SHISA9: variants seen among roughly 807,000 people sequenced by gnomAD.
SHISA9 encodes the protein shisa family member 9, also known as protein shisa-9.
A neutral mutation model predicts 38.0 loss-of-function variants in SHISA9; 13 were observed. The ratio of observed to expected loss-of-function variants is 0.34; its 90% CI spans 0.22 to 0.54. SHISA9 has a LOEUF of 0.54. Among genes scored for constraint, SHISA9 ranks in the 20% least tolerant of loss-of-function variants. The probability of loss-of-function intolerance (pLI) is 0.91; values close to 1 mark genes in which losing one functional copy is unlikely to be tolerated. For missense variants in SHISA9, 538 were observed against 575.8 expected, an observed-to-expected ratio of 0.93 and a Z score of 0.67; for synonymous variants, 275 against 242.0, an observed-to-expected ratio of 1.14 and a Z score of -1.27.
the SHISA9 span, among the ~76,000 whole-genome samples, chr16:13,371,665 C>A: frequency 1.3e-5 from 2 of 152,204 alleles, no homozygotes; most frequent in African/African-American, 2.4e-5. Context: ...TGATGAAGAA[C>A]CTTCCCCTCA....
the SHISA9 span, among the ~76,000 whole-genome samples, chr16:13,521,988 C>T: frequency 6.6e-6 from 1 of 152,140 alleles, no homozygotes; most frequent in Admixed American, 6.5e-5. Context: ...CACATATACC[C>T]TGAAATATAC....
intron 2 of SHISA9, among the ~76,000 whole-genome samples, chr16:12,998,036 T>G (rs1567176672): frequency 6.6e-6 from 1 of 152,346 alleles, no homozygotes; most frequent in East Asian, 1.9e-4. Context: ...TGGGTCCGTA[T>G]TTTATTCACT....
chr16:13,285,572 G>A, the SHISA9 span, among the ~76,000 whole-genome samples: 1 of 143,180 alleles, frequency 7.0e-6, no homozygotes, highest in African/African-American at 2.6e-5. Context: ...TGATCTCCTT[G>A]TCTTGCCTGG....
the SHISA9 span, among the ~76,000 whole-genome samples, chr16:13,288,985 A>G: frequency 6.6e-6 from 1 of 152,146 alleles, no homozygotes; most frequent in Non-Finnish European, 1.5e-5. Flanking sequence ...TATATGAATG[A>G]GGTTGGTGCA....
the SHISA9 span, among the ~76,000 whole-genome samples, chr16:13,322,025 T>G: frequency 0.69 from 104,721 of 152,132 alleles, 36,552 homozygotes; most frequent in African/African-American, 0.78. Context: ...ATTATATATT[T>G]CATATGTCTA....
chr16:13,493,116 T>G, the SHISA9 span, among the ~76,000 whole-genome samples: 9 of 152,218 alleles, frequency 5.9e-5, no homozygotes, highest in African/African-American at 2.2e-4. Flanking sequence ...TCTGTGTCCC[T>G]ATTGCTTGGC....
At chr16:13,469,399 AAG>A in the SHISA9 span, among the ~76,000 whole-genome samples, 1 of 130,002 alleles carries the variant, frequency 7.7e-6, no homozygotes, top group African/African-American at 3.2e-5. Flanking sequence ...GAAAGAAAGA[AAG>A]AAAGAAAGAA....
the SHISA9 span, among the ~76,000 whole-genome samples, chr16:13,505,308 C>A: frequency 6.6e-6 from 1 of 152,188 alleles, no homozygotes; most frequent in Non-Finnish European, 1.5e-5. Flanking sequence ...CCTTCTGGTC[C>A]TCTCTCCTGG....
intron 2 of SHISA9, among the ~76,000 whole-genome samples, chr16:13,143,930 C>A (rs139994008): frequency 1.8e-3 from 272 of 152,156 alleles, no homozygotes; most frequent in African/African-American, 6.3e-3. Context: ...TTATTTTATC[C>A]CCCAGAAATC....
At chr16:13,538,128 G>A in the SHISA9 span, among the ~76,000 whole-genome samples, 1 of 152,190 alleles carries the variant, frequency 6.6e-6, no homozygotes, top group African/African-American at 2.4e-5. Flanking sequence ...ACTAGAAAGA[G>A]TAGTGAAAAC....
the SHISA9 span, among the ~76,000 whole-genome samples, chr16:13,403,831 A>G: frequency 1.3e-5 from 2 of 152,160 alleles, no homozygotes; most frequent in Non-Finnish European, 2.9e-5. Context: ...CCAGCTGGCT[A>G]TGGATTCTTG....
At chr16:13,420,245 C>CAAAAAAAAA in the SHISA9 span, among the ~76,000 whole-genome samples, 1,880 of 50,368 alleles carry the variant, frequency 0.037, 255 homozygotes, top group African/African-American at 0.057. Flanking sequence ...GAATCTGTTT[C>CAAAAAAAAA]AAAAAAAAAA....
At chr16:12,986,953 A>G (rs1184115387) in intron 2 of SHISA9, among the ~76,000 whole-genome samples, 1 of 152,202 alleles carries the variant, frequency 6.6e-6, no homozygotes, top group Non-Finnish European at 1.5e-5. Flanking sequence ...TCATTAGATG[A>G]TATCACACCT....
chr16:13,063,304 C>A (rs956929803), intron 2 of SHISA9, among the ~76,000 whole-genome samples: 1 of 152,132 alleles, frequency 6.6e-6, no homozygotes, highest in African/African-American at 2.4e-5. Flanking sequence ...CTGCACCTGG[C>A]CCTCAGTTTC....
intron 3 of SHISA9, among the ~76,000 whole-genome samples, chr16:13,207,600 T>G (rs2051078236): frequency 6.6e-6 from 1 of 152,002 alleles, no homozygotes; most frequent in Admixed American, 6.5e-5. Flanking sequence ...TTCTTCATCC[T>G]TTTTTTCTGA....
At chr16:12,906,534 T>G (rs1426085862) in intron 1 of SHISA9, among the ~76,000 whole-genome samples, 1 of 152,148 alleles carries the variant, frequency 6.6e-6, no homozygotes, top group Admixed American at 6.5e-5. Context: ...GCAGCCACAG[T>G]CAGTCACTAT....
intron 2 of SHISA9, among the ~76,000 whole-genome samples, chr16:12,944,710 C>T (rs2071666621): frequency 6.6e-6 from 1 of 152,124 alleles, no homozygotes; most frequent in African/African-American, 2.4e-5. Flanking sequence ...GTTCCTTATG[C>T]AGGAATAGTA....
At chr16:13,338,566 T>C in the SHISA9 span, among the ~76,000 whole-genome samples, 1 of 152,136 alleles carries the variant, frequency 6.6e-6, no homozygotes. Context: ...GGCCACAGCA[T>C]TCAGTCTTGG....
chr16:13,362,361 G>A, the SHISA9 span, among the ~76,000 whole-genome samples: 5 of 152,090 alleles, frequency 3.3e-5, no homozygotes, highest in African/African-American at 4.8e-5. Flanking sequence ...CCAGGGGATC[G>A]AGGCTGCAGT....
Sources: gnomAD v4.1 joint callset for allele counts (sites outside exome capture counted in the v4.1 genomes callset) on GRCh38, gnomAD v4.1.1 for gene constraint, MANE v1.5 for transcripts, NCBI Gene and HGNC (gene_info 2026-07-23, HGNC 2026-07-21) for gene names.